Variants in SRRM3 observed in about 807,000 individuals in gnomAD.
The protein encoded by SRRM3 is serine/arginine repetitive matrix 3, also known as serine/arginine repetitive matrix protein 3.
SRRM3 carries 27 observed loss-of-function variants against 66.2 expected under a neutral mutation model. The observed-to-expected ratio is 0.41, with a 90% CI of 0.30 to 0.56. The LOEUF is 0.56. SRRM3 is among the 20% of genes least tolerant of loss of function. The pLI, the probability that SRRM3 is intolerant of heterozygous loss-of-function variation, is 0.32. For synonymous variants in SRRM3, 391 were observed against 414.9 expected (o/e 0.94, Z 0.70); for missense variants, 918 against 991.9 (o/e 0.93, Z 1.00).
At chr7:76,248,119 A>C in intron 2 of SRRM3, 69 bp from the exon 3 acceptor site, 1 of 1,275,876 alleles carries the variant, frequency 7.8e-7, no homozygotes, top group Non-Finnish European at 1.1e-6. Context: ...GGCTGGGCTG[A>C]GTGCGGGGCA....
At chr7:76,251,427 T>C (rs1393814792) in intron 3 of SRRM3, among the ~76,000 whole-genome samples, 2 of 149,480 alleles carry the variant, frequency 1.3e-5, no homozygotes, top group Admixed American at 6.7e-5. Flanking sequence ...CAGGCTGGAG[T>C]GCAGTGGCGC....
At position 76,281,694 on chromosome 7, in the gene SRRM3, G is replaced by C. The variant is rs1280134239; in HGVS notation, c.1262G>C (p.Arg421Pro). ...PRPAPPRGSS[R>P]SLSRARSSSD... The stretch of plus-strand genomic sequence containing the variant: ...CCCGCGCCCCCCCGGGGCTCGTCGC[G>C]CTCGCTCAGCAGGGCCCGCTCCAGC... The change falls in exon 12 of 15, where the codon CGC becomes CCC. Residue 421 changes from arginine (R) to proline (P), a missense_variant. Physicochemically the swap from Arg to Pro is moderately radical, Grantham distance 103 (BLOSUM62 -2). Coordinates refer to ENST00000611745, the MANE Select transcript of SRRM3 (RefSeq NM_001110199.3). 6.7e-5 allele frequency: 72 copies of C among 1,074,504 alleles called. No individual in the cohort carries two copies. The Admixed American group carries it at 8.1e-4, about 12-fold the overall frequency. 66.6% of individuals were successfully genotyped at this position (1,074,504 alleles called of 1,614,324 possible). A position where few individuals can be genotyped will look rare whatever the true frequency, so the allele number is the denominator to read the frequency against.
At chr7:76,238,003 C>A (rs1801190646) in intron 2 of SRRM3, among the ~76,000 whole-genome samples, 3 of 152,122 alleles carry the variant, frequency 2.0e-5, no homozygotes, top group Admixed American at 2.0e-4. Flanking sequence ...CCTTCCCCCA[C>A]CCAAGCTCTC....
At position 76,282,673 on chromosome 7, in the gene SRRM3, C is replaced by G; in HGVS notation, c.1396C>G (p.Arg466Gly). ...GGCCAAGGAGCGGCCCCCGCGCGCG[C>G]GGCCCGCCAGCACCTCTCCGTCCCC... ...KRAKERPPRARPASTSPSPGA... is the reference protein window; with the variant it reads ...KRAKERPPRAGPASTSPSPGA... The change falls in exon 13 of 15, where the codon CGG becomes GGG. Residue 466 changes from arginine to glycine, a missense_variant. Physicochemically the swap from Arg to Gly is moderately radical, Grantham distance 125. Coordinates refer to ENST00000611745, the MANE Select transcript of SRRM3 (RefSeq NM_001110199.3). The G allele has an allele frequency of 7.1e-7, 1 of 1,405,714 alleles. No individual in the cohort carries two copies. The allele number at this position is 1,405,714 out of a possible 1,614,324, so 87.1% of individuals were successfully genotyped here.
chr7:76,212,980 C>T (rs1314794151), intron 1 of SRRM3, among the ~76,000 whole-genome samples: 1 of 151,268 alleles, frequency 6.6e-6, no homozygotes, highest in East Asian at 1.9e-4. Context: ...CTGCTTCTTC[C>T]CTGGCCCACT....
intron 11 of SRRM3, among the ~76,000 whole-genome samples, chr7:76,280,116 T>TAAAAAAAAAAAAAAAAA (rs567656342): frequency 8.4e-6 from 1 of 118,406 alleles, no homozygotes. Context: ...AATCAGAACT[T>TAAAAAAAAAAAAAAAAA]AAAAAAAAAA....
chr7:76,244,979 G>A (rs1801402724), intron 2 of SRRM3, among the ~76,000 whole-genome samples: 1 of 152,234 alleles, frequency 6.6e-6, no homozygotes, highest in African/African-American at 2.4e-5. Context: ...GGAACTCCAG[G>A]CCAGCATTGG....
chr7:76,283,024 C>T lies in SRRM3; in HGVS notation c.1656C>T (p.Arg552=), dbSNP rs1802568342. Residue 552 remains arginine, a synonymous_variant, in exon 14 of 15, where the codon CGC becomes CGT. Transcript: ENST00000611745. ...AGGCCGAGGCCACCCGCGCCCGGCGCCGCTCCCGCAGCTACTCGCCCATCC... is the reference window on the plus strand; with the variant it reads ...AGGCCGAGGCCACCCGCGCCCGGCGTCGCTCCCGCAGCTACTCGCCCATCC... The part of the protein sequence containing the change: ...HSEAEATRAR[R]RSRSYSPIRK... 1.4e-6 allele frequency: 2 copies of T among 1,479,868 alleles called. No individual in the cohort carries two copies. Among genetic ancestry groups the T allele is most frequent in the South Asian group, 1.3e-5 (1 of 77,556 alleles). 91.7% of individuals were successfully genotyped at this position (1,479,868 alleles called of 1,614,324 possible).
At chr7:76,262,731 G>A (rs1554608943) in intron 8 of SRRM3, among the ~76,000 whole-genome samples, 2 of 151,926 alleles carry the variant, frequency 1.3e-5, no homozygotes, top group East Asian at 1.9e-4. Flanking sequence ...TAGGAGAATC[G>A]CTTGATACTG....
At chr7:76,241,204 C>G (rs1801286937) in intron 2 of SRRM3, among the ~76,000 whole-genome samples, 1 of 152,052 alleles carries the variant, frequency 6.6e-6, no homozygotes, top group African/African-American at 2.4e-5. Context: ...GCCTAGAAAC[C>G]CTTGACTTTG....
intron 9 of SRRM3, 44 bp from the exon 10 acceptor site, chr7:76,265,320 G>A: frequency 6.7e-7 from 1 of 1,482,428 alleles, no homozygotes; most frequent in Middle Eastern, 2.3e-4. Context: ...GGGATCACGG[G>A]GGGCAGAATT....
chr7:76,213,199 C>T (rs1322926420), intron 1 of SRRM3, among the ~76,000 whole-genome samples: 1 of 151,586 alleles, frequency 6.6e-6, no homozygotes, highest in Non-Finnish European at 1.5e-5. Context: ...TTAGTAGAAA[C>T]GGGGTTTCAC....
At chr7:76,214,073 C>G (rs1470791626) in intron 1 of SRRM3, among the ~76,000 whole-genome samples, 2 of 152,162 alleles carry the variant, frequency 1.3e-5, no homozygotes, top group Non-Finnish European at 2.9e-5. Flanking sequence ...CCACTGCGCC[C>G]AACCCTCTCT....
intron 1 of SRRM3, among the ~76,000 whole-genome samples, chr7:76,229,134 G>A (rs1271869685): frequency 6.6e-6 from 1 of 151,840 alleles, no homozygotes; most frequent in Admixed American, 6.6e-5. Flanking sequence ...TCCTGACCTC[G>A]TGATCCACCT....
intron 1 of SRRM3, among the ~76,000 whole-genome samples, chr7:76,213,151 AG>A (rs1160875311): frequency 6.6e-6 from 1 of 151,804 alleles, no homozygotes; most frequent in Non-Finnish European, 1.5e-5. Flanking sequence ...CTGGGATTAC[AG>A]GGGACTGCCA....
intron 2 of SRRM3, among the ~76,000 whole-genome samples, chr7:76,244,503 G>A (rs1017295446): frequency 2.8e-5 from 4 of 140,610 alleles, no homozygotes; most frequent in Non-Finnish European, 4.6e-5. Context: ...TAGCCTGGGC[G>A]ACAGAGCAAG....
intron 2 of SRRM3, among the ~76,000 whole-genome samples, chr7:76,240,278 G>A (rs1554605442): frequency 6.6e-6 from 1 of 152,042 alleles, no homozygotes; most frequent in Non-Finnish European, 1.5e-5. Flanking sequence ...GAGGCCAAGA[G>A]TTTGAGACCA....
chr7:76,282,416 G>T (rs1802545195), intron 12 of SRRM3, among the ~76,000 whole-genome samples: 3 of 44,440 alleles, frequency 6.8e-5, no homozygotes, highest in Non-Finnish European at 8.9e-5. Context: ...CCCCCATCCC[G>T]CAGAACAATC....
chr7:76,213,329 G>A (rs994263463), intron 1 of SRRM3, among the ~76,000 whole-genome samples: 2 of 152,018 alleles, frequency 1.3e-5, no homozygotes, highest in Non-Finnish European at 1.5e-5. Flanking sequence ...CATTCACACT[G>A]GTGGTTTACC....
Sources: allele counts gnomAD v4.1 joint callset (sites outside exome capture counted in the v4.1 genomes callset), GRCh38; gene constraint gnomAD v4.1.1; transcripts MANE v1.5; gene names NCBI Gene and HGNC (gene_info 2026-07-23, HGNC 2026-07-21).